RIPOR2: variants seen among roughly 807,000 people sequenced by gnomAD.
RIPOR2 encodes rho family-interacting cell polarization regulator 2.
Under a neutral mutation model 114.5 loss-of-function variants are expected in RIPOR2, and 39 were observed. The ratio of observed to expected loss-of-function variants is 0.34; its 90% CI spans 0.26 to 0.44. RIPOR2 has a LOEUF of 0.44. RIPOR2 is among the 20% of genes least tolerant of loss of function. RIPOR2 has a pLI of 1.00. For missense variants in RIPOR2, 1,007 were observed against 1,255.1 expected, an observed-to-expected ratio of 0.80 and a Z score of 2.99; for synonymous variants, 445 against 484.4, an observed-to-expected ratio of 0.92 and a Z score of 1.07.
At chr6:25,038,603 C>G (rs751870415) in intron 1 of RIPOR2, among the ~76,000 whole-genome samples, 6 of 152,136 alleles carry the variant, frequency 3.9e-5, no homozygotes, top group Admixed American at 6.5e-5. Flanking sequence ...TGCTGAAGGC[C>G]TCAGGCCTAC....
intron 1 of RIPOR2, among the ~76,000 whole-genome samples, chr6:25,026,045 GT>G (rs796470668): frequency 0.027 from 3,955 of 146,252 alleles, 165 homozygotes; most frequent in African/African-American, 0.09. Flanking sequence ...AAAGATTGTT[GT>G]TTTTTTTTTT....
chr6:24,995,791 A>G (rs1775017394), intron 1 of RIPOR2, among the ~76,000 whole-genome samples: 1 of 151,386 alleles, frequency 6.6e-6, no homozygotes, highest in Non-Finnish European at 1.5e-5. Context: ...CAAATCTGCA[A>G]CTAGAGTGAT....
chr6:24,982,962 T>A (rs566534792), intron 1 of RIPOR2, among the ~76,000 whole-genome samples: 45 of 152,308 alleles, frequency 3.0e-4, no homozygotes, highest in African/African-American at 1.1e-3. Context: ...AAGACCAATG[T>A]ACAGCCAATC....
intron 1 of RIPOR2, among the ~76,000 whole-genome samples, chr6:25,012,652 A>G (rs926850451): frequency 6.6e-6 from 1 of 152,230 alleles, no homozygotes; most frequent in Non-Finnish European, 1.5e-5. Flanking sequence ...AGATGATCCT[A>G]TTTATATAAA....
At chr6:24,991,250 A>C (rs527906085) in intron 1 of RIPOR2, among the ~76,000 whole-genome samples, 1 of 152,278 alleles carries the variant, frequency 6.6e-6, no homozygotes, top group African/African-American at 2.4e-5. Context: ...AACTTTGTAC[A>C]CTGTAGGATT....
intron 1 of RIPOR2, among the ~76,000 whole-genome samples, chr6:24,991,625 T>G (rs568042840): frequency 5.9e-4 from 90 of 152,232 alleles, no homozygotes; most frequent in African/African-American, 2.0e-3. Flanking sequence ...CAACCAAACC[T>G]CACTGTGGGC....
At chr6:24,917,898 CA>C (rs765306450) in intron 1 of RIPOR2, among the ~76,000 whole-genome samples, 5 of 152,136 alleles carry the variant, frequency 3.3e-5, no homozygotes, top group Admixed American at 6.5e-5. Context: ...CTCTCATGAT[CA>C]GGGGAAACAT....
chr6:24,842,881 T>C lies in RIPOR2; in HGVS notation c.1838A>G (p.Asn613Ser), dbSNP rs769756620. 2.8e-6 allele frequency: 4 copies of C among 1,448,516 alleles called. No individual in the cohort carries two copies. In the South Asian group the frequency reaches 5.0e-5, roughly 18 times the overall value. 89.7% of individuals were successfully genotyped at this position (1,448,516 alleles called of 1,614,324 possible). Residue 613 changes from asparagine to serine, a missense_variant, in exon 13 of 22, where the codon AAT (asparagine) becomes AGT (serine). Physicochemically the swap from Asn to Ser is conservative, Grantham distance 46 (BLOSUM62 1). Coordinates refer to ENST00000643898, the MANE Select transcript of RIPOR2 (RefSeq NM_001286445.3). ...EFQDLNQEVM[N>S]LDDILKCKPA... ...ACTTACTTTTAGAATATCATCCAAA[T>C]TCATGACTTCTTGGTTCAGATCCTG...
At chr6:24,857,283 T>C (rs1763564869) in intron 8 of RIPOR2, among the ~76,000 whole-genome samples, 1 of 152,188 alleles carries the variant, frequency 6.6e-6, no homozygotes, top group Non-Finnish European at 1.5e-5. Flanking sequence ...GCAAGTGTTC[T>C]TGACAGTTTG....
chr6:24,845,020 T>TCCCG (rs1306904171), intron 12 of RIPOR2, among the ~76,000 whole-genome samples: 1 of 151,778 alleles, frequency 6.6e-6, no homozygotes, highest in Non-Finnish European at 1.5e-5. Context: ...GGCCACTAGA[T>TCCCG]CCCGACACAT....
chr6:24,895,709 G>C (rs912406684), intron 1 of RIPOR2, among the ~76,000 whole-genome samples: 1 of 152,108 alleles, frequency 6.6e-6, no homozygotes, highest in Non-Finnish European at 1.5e-5. Context: ...GAACTTCTTC[G>C]GCCGGGCGCT....
intron 14 of RIPOR2, 49 bp from the exon 15 acceptor site, chr6:24,835,920 C>T (rs772823194): frequency 1.3e-6 from 2 of 1,538,738 alleles, no homozygotes; most frequent in South Asian, 2.4e-5. Flanking sequence ...GTGCACAAAC[C>T]ACAGGTCAAG....
intron 1 of RIPOR2, among the ~76,000 whole-genome samples, chr6:24,925,722 T>C (rs941759370): frequency 5.3e-5 from 8 of 152,034 alleles, no homozygotes; most frequent in African/African-American, 1.9e-4. Context: ...AAAATTTGGT[T>C]CATCCATTCT....
chr6:24,936,093 G>T, upstream of RIPOR2: 2 of 548,124 alleles, frequency 3.6e-6, no homozygotes, highest in South Asian at 4.6e-5. Context: ...AATCCCAGGT[G>T]GGGTAATTCT....
intron 1 of RIPOR2, among the ~76,000 whole-genome samples, chr6:24,994,224 T>C (rs1774953620): frequency 6.6e-6 from 1 of 151,936 alleles, no homozygotes; most frequent in South Asian, 2.1e-4. Context: ...GGAAGATACA[T>C]CAAGCAAAAA....
intron 13 of RIPOR2, 34 bp from the exon 14 acceptor site, chr6:24,839,306 A>G (rs1761400822): frequency 2.6e-6 from 4 of 1,528,560 alleles, no homozygotes; most frequent in Non-Finnish European, 3.5e-6. Flanking sequence ...GAGAACATCA[A>G]CATATCCGGA....
At chr6:24,836,247 G>A (rs903033165) in intron 14 of RIPOR2, among the ~76,000 whole-genome samples, 10 of 152,118 alleles carry the variant, frequency 6.6e-5, no homozygotes, top group African/African-American at 2.4e-4. Context: ...CTATATTTGT[G>A]GTTTCCCAAA....
chr6:24,882,637 T>A (rs112449429), intron 1 of RIPOR2, among the ~76,000 whole-genome samples: 272 of 151,958 alleles, frequency 1.8e-3, no homozygotes, highest in African/African-American at 5.5e-3. Context: ...AACCATACCG[T>A]TTGTATCATC....
intron 1 of RIPOR2, among the ~76,000 whole-genome samples, chr6:24,932,622 C>T (rs534627286): frequency 2.6e-5 from 4 of 152,252 alleles, no homozygotes; most frequent in South Asian, 4.1e-4. Flanking sequence ...GACTCATTGA[C>T]TCATTTTTTT....
Sources: allele counts gnomAD v4.1 joint callset (sites outside exome capture counted in the v4.1 genomes callset), GRCh38; gene constraint gnomAD v4.1.1; transcripts MANE v1.5; gene names NCBI Gene and HGNC (gene_info 2026-07-23, HGNC 2026-07-21).